The following WDR4 variants were observed in gnomAD, a reference collection of about 807,000 sequenced individuals.
The protein encoded by WDR4 is WDR4 tRNA N7-guanosine methyltransferase non-catalytic subunit.
Under a neutral mutation model 48.6 loss-of-function variants are expected in WDR4, and 47 were observed. The ratio of observed to expected loss-of-function variants is 0.97; its 90% CI spans 0.77 to 1.23. WDR4 has a LOEUF of 1.23. WDR4 is among the 50% of genes most tolerant of loss of function. The probability of loss-of-function intolerance (pLI) is 0.00; values close to 1 mark genes in which losing one functional copy is unlikely to be tolerated. For missense variants in WDR4, 606 were observed against 551.6 expected (o/e 1.10, Z -0.99); for synonymous variants, 268 against 230.0 (o/e 1.17, Z -1.49).
intron 7 of WDR4, 104 bp from the exon 8 acceptor site, chr21:42,854,730 A>G (rs373669142): frequency 1.9e-6 from 2 of 1,045,342 alleles, no homozygotes; most frequent in Non-Finnish European, 2.8e-6. Context: ...ACGCCCCCAC[A>G]TATCAAGGAA....
At chr21:42,844,982 G>A (rs910006434), downstream of WDR4, among the ~76,000 whole-genome samples, 1 of 152,202 alleles carries the variant, frequency 6.6e-6, no homozygotes, top group Non-Finnish European at 1.5e-5. Flanking sequence ...GCCAAACACT[G>A]TGCCAACCTG....
chr21:42,866,168 C>G (rs1444443693), intron 3 of WDR4, among the ~76,000 whole-genome samples: 1 of 152,148 alleles, frequency 6.6e-6, no homozygotes, highest in Admixed American at 6.5e-5. Context: ...ACCCTGTGTC[C>G]TCATCTTCGG....
At chr21:42,879,584 A>G, upstream of WDR4, 2 of 1,518,234 alleles carry the variant, frequency 1.3e-6, no homozygotes, top group Non-Finnish European at 1.8e-6. Flanking sequence ...GCAGACGCCG[A>G]GAGATGACGT....
chr21:42,873,426 T>C (rs2146095524), intron 3 of WDR4, 125 bp downstream of exon 3: 1 of 1,377,380 alleles, frequency 7.3e-7, no homozygotes, highest in Non-Finnish European at 1.0e-6. Context: ...TGTCTGGCAC[T>C]GAACTGCGGC....
At chr21:42,885,065 C>T in the WDR4 span, among the ~76,000 whole-genome samples, 3 of 152,108 alleles carry the variant, frequency 2.0e-5, no homozygotes, top group South Asian at 2.1e-4. Context: ...CGTGAACCAA[C>T]GCATCTGGAC....
intron 3 of WDR4, among the ~76,000 whole-genome samples, chr21:42,871,133 G>T (rs1302136265): frequency 6.6e-6 from 1 of 152,186 alleles, no homozygotes; most frequent in African/African-American, 2.4e-5. Flanking sequence ...ACTCTGTGAG[G>T]ACATAGGGAG....
At chr21:42,873,728 T>G in intron 2 of WDR4, 37 bp from the exon 3 acceptor site, 1 of 1,600,600 alleles carries the variant, frequency 6.2e-7, no homozygotes, top group East Asian at 2.2e-5. Context: ...AAGCTTCACC[T>G]AAGGAAATAA....
At chr21:42,889,542 T>C in the WDR4 span, among the ~76,000 whole-genome samples, 1 of 152,210 alleles carries the variant, frequency 6.6e-6, no homozygotes, top group Non-Finnish European at 1.5e-5. Flanking sequence ...TCATGTTCTC[T>C]GAAGTCTGTT....
rs2058145232 is a variant in WDR4, at chr21:42,862,620, G to A, written c.454-226C>T. Among the ~76,000 whole-genome samples the A allele has an allele frequency of 6.6e-6, 1 of 152,120 alleles. No homozygotes were observed. The highest frequency in any genetic ancestry group is 1.5e-5 in the Non-Finnish European group (1 of 68,002). ...GGCCACCTCTAGCCCTCACTCCTCA[G>A]TGCTAGAGCAGGCTTCTGGGGTGGG... On this transcript the variant is annotated intron_variant, in intron 4 of 10. Coordinates refer to ENST00000398208, the MANE Select transcript of WDR4 (RefSeq NM_018669.6). The surrounding 1 kb of genome is among the most constrained non-coding windows in gnomAD (Gnocchi z 4.3).
intron 7 of WDR4, 24 bp downstream of exon 7, chr21:42,855,658 C>G: frequency 6.5e-7 from 1 of 1,527,932 alleles, no homozygotes; most frequent in Non-Finnish European, 8.8e-7. Context: ...ACTCAGTCGC[C>G]CAGGAGTGAA....
At chr21:42,870,913 G>A (rs935292718) in intron 3 of WDR4, among the ~76,000 whole-genome samples, 8 of 152,164 alleles carry the variant, frequency 5.3e-5, no homozygotes, top group South Asian at 2.1e-4. Context: ...GCCAGTGTCC[G>A]AAAGGCAAAA....
At chr21:42,853,236 C>T (rs1270284189) in intron 9 of WDR4, among the ~76,000 whole-genome samples, 2 of 152,174 alleles carry the variant, frequency 1.3e-5, no homozygotes, top group African/African-American at 4.8e-5. Context: ...CTGTGCTAAT[C>T]CAGCCTCCAA....
intron 1 of WDR4, among the ~76,000 whole-genome samples, chr21:42,877,787 G>C (rs1340770670): frequency 1.3e-5 from 2 of 152,088 alleles, no homozygotes; most frequent in Non-Finnish European, 2.9e-5. Flanking sequence ...GTTCACGCCT[G>C]TAATCCCAGC....
Position 42,849,885 on chromosome 21 carries a change from G to T in WDR4, c.*164C>A. 1 of 830,510 alleles carries T rather than the reference G, an allele frequency of 1.2e-6. No homozygotes were observed. Among genetic ancestry groups the T allele is most frequent in the Non-Finnish European group, 1.8e-6 (1 of 544,906 alleles). The allele number at this position is 830,510 out of a possible 1,614,324, so 51.4% of individuals were successfully genotyped here. On this transcript the variant is annotated 3_prime_UTR_variant, in exon 11 of 11. Coordinates refer to ENST00000398208, the MANE Select transcript of WDR4 (RefSeq NM_018669.6). The stretch of plus-strand genomic sequence containing the variant: ...AGGCACCCAGCAAGAGCCTGTGCTG[G>T]TGACACAGAATGTTCTTTCTAGAGC...
At chr21:42,870,828 C>A (rs1317284471) in intron 3 of WDR4, among the ~76,000 whole-genome samples, 6 of 152,056 alleles carry the variant, frequency 3.9e-5, no homozygotes, top group Non-Finnish European at 7.4e-5. Flanking sequence ...TCCCTTAGAT[C>A]ATTTCATTTT....
At chr21:42,887,631 A>T in the WDR4 span, among the ~76,000 whole-genome samples, 1 of 152,218 alleles carries the variant, frequency 6.6e-6, no homozygotes, top group African/African-American at 2.4e-5. Flanking sequence ...GTTGTGATTG[A>T]ATACTGCATC....
the WDR4 span, among the ~76,000 whole-genome samples, chr21:42,892,739 A>G: frequency 1.3e-5 from 2 of 152,222 alleles, no homozygotes; most frequent in Admixed American, 1.3e-4. Context: ...TCCATTTCCA[A>G]TCGGCCTAAC....
intron 2 of WDR4, among the ~76,000 whole-genome samples, chr21:42,875,833 G>A (rs1305641031): frequency 4.0e-5 from 6 of 150,664 alleles, no homozygotes; most frequent in South Asian, 2.1e-4. Flanking sequence ...TCCTACACCC[G>A]CCTTCAACCA....
At chr21:42,859,547 G>T in intron 6 of WDR4, 115 bp downstream of exon 6, 13 of 1,282,612 alleles carry the variant, frequency 1.0e-5, no homozygotes, top group Non-Finnish European at 1.4e-5. Flanking sequence ...CTAGTGGACA[G>T]CCACAGCCAG....
Sources: gnomAD v4.1 joint callset for allele counts (sites outside exome capture counted in the v4.1 genomes callset) on GRCh38, gnomAD v4.1.1 for gene constraint, Gnocchi (gnomAD v3.1) non-coding constraint, MANE v1.5 for transcripts, NCBI Gene and HGNC (gene_info 2026-07-23, HGNC 2026-07-21) for gene names.